TNKS: variants seen among roughly 807,000 people sequenced by gnomAD.
TNKS encodes tankyrase, also known as poly [ADP-ribose] polymerase tankyrase-1.
TNKS carries 72 observed loss-of-function variants against 135.8 expected under a neutral mutation model. The observed-to-expected ratio is 0.53, with a 90% CI of 0.44 to 0.64. The LOEUF (loss-of-function observed/expected upper bound fraction) is 0.64. Ranked by LOEUF, TNKS falls within the 30% of genes least tolerant of loss-of-function variation. The pLI, the probability that TNKS is intolerant of heterozygous loss-of-function variation, is 0.00. For synonymous variants in TNKS, 849 were observed against 649.3 expected (o/e 1.31, Z -4.68); for missense variants, 1,769 against 1,674.0 (o/e 1.06, Z -0.99).
At chr8:9,651,164 C>T (rs1801134584) in intron 3 of TNKS, among the ~76,000 whole-genome samples, 1 of 151,922 alleles carries the variant, frequency 6.6e-6, no homozygotes, top group Admixed American at 6.6e-5. Context: ...TCTTCTGTTC[C>T]AACTAATTGT....
chr8:9,658,396 C>G lies in TNKS; in HGVS notation c.995-21555C>G, dbSNP rs1801526543. ...GGCAAAGACTGAGACAGCTCCGCTG[C>G]CCGCTGAACTCCATCCTCCCGGCGG... On this transcript the variant is annotated intron_variant, in intron 3 of 26. Transcript: ENST00000310430. 8 of 1,318,564 alleles carry G rather than the reference C, an allele frequency of 6.1e-6. No homozygotes were observed. In the East Asian group the frequency reaches 2.5e-4, roughly 41 times the overall value. 81.7% of individuals were successfully genotyped at this position (1,318,564 alleles called of 1,614,324 possible).
In TNKS at chr8:9,764,942, C is replaced by A. The variant is rs1585437491; in HGVS notation, c.3447+152C>A. ...AAGTCAGATAGCACTCTTCTCACTA[C>A]AATATCTCTAACTCCCCAAGACAAT... is the stretch of plus-strand genomic sequence containing the variant. On this transcript the variant is annotated intron_variant, in intron 23 of 26. Transcript: ENST00000310430. 9.4e-6 allele frequency: 5 copies of A among 529,294 alleles called. No individual in the cohort carries two copies. The East Asian group carries it at 1.6e-4, about 17-fold the overall frequency. The allele number at this position is 529,294 out of a possible 1,614,324, so 32.8% of individuals were successfully genotyped here. A position where few individuals can be genotyped will look rare whatever the true frequency, so the allele number is the denominator to read the frequency against.
At chr8:9,660,213 C>T (rs200393141) in intron 3 of TNKS, among the ~76,000 whole-genome samples, 12 of 152,204 alleles carry the variant, frequency 7.9e-5, no homozygotes, top group Admixed American at 3.3e-4. Context: ...TAGAAAAAGA[C>T]GGAATCCTCC....
rs1803580305 is a variant in TNKS at position 9,697,635 on chromosome 8, CA to C, written c.1108-7027del. 2.6e-5 allele frequency among the ~76,000 whole-genome samples: 4 copies of C among 152,188 alleles called. No homozygotes were observed. In the South Asian group the frequency reaches 8.3e-4, roughly 32 times the overall value. On this transcript the variant is annotated intron_variant, in intron 5 of 26. Coordinates refer to ENST00000310430, the MANE Select transcript of TNKS (RefSeq NM_003747.3). ...TCAAAAAGTAGGCAAAGGACATGAA[CA>C]GACATTTTTCAAAATAAGACATACA...
At chr8:9,627,463 A>G (rs1463501637) in intron 3 of TNKS, among the ~76,000 whole-genome samples, 2 of 152,048 alleles carry the variant, frequency 1.3e-5, no homozygotes, top group Non-Finnish European at 2.9e-5. Context: ...CTGAGCCCTC[A>G]ACTTGTGGCA....
At chr8:9,561,327 A>G (rs1008935805) in intron 1 of TNKS, among the ~76,000 whole-genome samples, 2 of 152,184 alleles carry the variant, frequency 1.3e-5, no homozygotes, top group African/African-American at 4.8e-5. Context: ...GACTTTCCTT[A>G]TAGAAACTTC....
intron 3 of TNKS, among the ~76,000 whole-genome samples, chr8:9,649,277 C>T (rs1435440221): frequency 2.6e-5 from 4 of 152,106 alleles, no homozygotes; most frequent in African/African-American, 9.7e-5. Flanking sequence ...AAATATGTAG[C>T]CGTTTGTGCT....
intron 2 of TNKS, among the ~76,000 whole-genome samples, chr8:9,611,001 T>G (rs1327261180): frequency 1.3e-5 from 2 of 152,248 alleles, no homozygotes; most frequent in Non-Finnish European, 2.9e-5. Context: ...AAGTAATACC[T>G]GCTGAATTTG....
chr8:9,751,089 G>GGCAT (rs982134581), intron 18 of TNKS, among the ~76,000 whole-genome samples: 5 of 152,146 alleles, frequency 3.3e-5, no homozygotes, highest in African/African-American at 1.2e-4. Context: ...TTCAAGGGGA[G>GGCAT]GCATACATGA....
rs986928605 is a variant in TNKS, at chr8:9,643,079, C to G, written c.994+27402C>G. Among the ~76,000 whole-genome samples, 3 of 145,902 alleles carry G rather than the reference C, an allele frequency of 2.1e-5. 1 individual carries two copies. In the East Asian group the frequency reaches 6.3e-4, roughly 31 times the overall value. Reference sequence around the variant, plus strand: ...GAGATGGGGTTGCCCGTGTTTTTCACTCATTTATAAAAGCTTGAGAAGTCC... The same window carrying G: ...GAGATGGGGTTGCCCGTGTTTTTCAGTCATTTATAAAAGCTTGAGAAGTCC... On this transcript the variant is annotated intron_variant, in intron 3 of 26. Coordinates refer to ENST00000310430, the MANE Select transcript of TNKS (RefSeq NM_003747.3).
intron 1 of TNKS, among the ~76,000 whole-genome samples, chr8:9,578,356 G>A (rs946454848): frequency 6.6e-6 from 1 of 152,164 alleles, no homozygotes; most frequent in East Asian, 1.9e-4. Flanking sequence ...AGTTCTGCAG[G>A]TATTTAAAAA....
chr8:9,624,448 C>A (rs1180674594), intron 3 of TNKS, among the ~76,000 whole-genome samples: 1 of 152,048 alleles, frequency 6.6e-6, no homozygotes, highest in Non-Finnish European at 1.5e-5. Context: ...ATTGTAAGTT[C>A]CCATGCAATT....
chr8:9,559,243 G>C (rs761373589), intron 1 of TNKS, among the ~76,000 whole-genome samples: 2 of 152,098 alleles, frequency 1.3e-5, no homozygotes, highest in African/African-American at 2.4e-5. Flanking sequence ...TATACTGTCT[G>C]TCCCAATATG....
chr8:9,717,448 C>T (rs1391966262), intron 11 of TNKS, among the ~76,000 whole-genome samples: 1 of 151,998 alleles, frequency 6.6e-6, no homozygotes, highest in Non-Finnish European at 1.5e-5. Flanking sequence ...TTAAGCAATT[C>T]TATAAACACT....
intron 3 of TNKS, among the ~76,000 whole-genome samples, chr8:9,663,429 C>G (rs996719960): frequency 6.6e-6 from 1 of 152,020 alleles, no homozygotes; most frequent in Admixed American, 6.5e-5. Flanking sequence ...TTTTGTTTTA[C>G]TGCTTATTTC....
intron 17 of TNKS, among the ~76,000 whole-genome samples, chr8:9,741,266 G>A (rs1163528647): frequency 6.6e-6 from 1 of 152,090 alleles, no homozygotes; most frequent in Non-Finnish European, 1.5e-5. Context: ...CAATGGGATC[G>A]GTAGAACTGA....
At chr8:9,680,634 C>T in intron 4 of TNKS, 91 bp from the exon 5 acceptor site, 1 of 807,044 alleles carries the variant, frequency 1.2e-6, no homozygotes, top group Non-Finnish European at 2.1e-6. Flanking sequence ...CAAAGCAAAC[C>T]CATATTTTAC....
chr8:9,701,926 C>T (rs2128806289), intron 5 of TNKS, among the ~76,000 whole-genome samples: 1 of 152,242 alleles, frequency 6.6e-6, no homozygotes, highest in South Asian at 2.1e-4. Context: ...GTAAAAGAAC[C>T]ACACGGAAAG....
At position 9,761,645 on chromosome 8, in the gene TNKS, T is replaced by C. The variant is rs749992520; in HGVS notation, c.3274+9T>C. The C allele has an allele frequency of 6.3e-6, 10 of 1,579,262 alleles. No individual in the cohort carries two copies. In the Admixed American group the frequency reaches 1.2e-4, roughly 20 times the overall value. ...CTTAGGTGGACAACAAGGTAAGCTA[T>C]TCAGAAAAAAAAAAAAATTTCAGAA... is the stretch of plus-strand genomic sequence containing the variant. On this transcript the variant is annotated intron_variant, in intron 21 of 26. Transcript: ENST00000310430.
Sources: gnomAD v4.1 joint callset for allele counts (sites outside exome capture counted in the v4.1 genomes callset) on GRCh38, gnomAD v4.1.1 for gene constraint, MANE v1.5 for transcripts, NCBI Gene and HGNC (gene_info 2026-07-23, HGNC 2026-07-21) for gene names.